PCLO: variants seen among roughly 807,000 people sequenced by gnomAD.
PCLO encodes the protein piccolo presynaptic cytomatrix protein.
A neutral mutation model predicts 427.5 loss-of-function variants in PCLO; 82 were observed. That is an observed-to-expected ratio of 0.19 (90% CI 0.16 to 0.23). The LOEUF is 0.23. PCLO is among the 10% of genes least tolerant of loss of function. PCLO has a pLI of 1.00. For synonymous variants in PCLO, 2,357 were observed against 2,155.4 expected (o/e 1.09, Z -2.59); for missense variants, 6,239 against 6,115.9 (o/e 1.02, Z -0.67).
At chr7:83,001,446 C>T (rs1219125343) in intron 3 of PCLO, among the ~76,000 whole-genome samples, 5 of 151,194 alleles carry the variant, frequency 3.3e-5, no homozygotes, top group Non-Finnish European at 7.4e-5. Context: ...GCAGGTATGT[C>T]TAATGAAAAA....
At chr7:82,859,448 C>G (rs546779209) in intron 10 of PCLO, among the ~76,000 whole-genome samples, 1 of 152,292 alleles carries the variant, frequency 6.6e-6, no homozygotes, top group African/African-American at 2.4e-5. Flanking sequence ...GAGAAGAGAA[C>G]AAGAGTCTCT....
chr7:83,112,749 G>C (rs1326963583), intron 3 of PCLO, among the ~76,000 whole-genome samples: 1 of 152,104 alleles, frequency 6.6e-6, no homozygotes, highest in Non-Finnish European at 1.5e-5. Context: ...AATATGCCAT[G>C]AGAGGAAAAG....
In PCLO at chr7:82,955,118, A is replaced by C; in HGVS notation, c.5835T>G (p.Pro1945=). 1.2e-6 allele frequency: 2 copies of C among 1,613,768 alleles called. No individual in the cohort carries two copies. The highest frequency in any genetic ancestry group is 2.7e-5 in the African/African-American group (2 of 75,012). The part of the protein sequence containing the change: ...NERDEVFEKE[P]LYGGMLIEDY... ...CCTCTATTAGCATCCCACCATACAA[A>C]GGCTCTTTTTCAAACACTTCATCTC... The change falls in exon 5 of 25, where the codon CCT becomes CCG. Residue 1945 remains proline, a synonymous_variant. Transcript: ENST00000333891.
At chr7:83,051,736 G>A (rs1789259322) in intron 3 of PCLO, among the ~76,000 whole-genome samples, 1 of 152,054 alleles carries the variant, frequency 6.6e-6, no homozygotes, top group African/African-American at 2.4e-5. Flanking sequence ...AAATGACCCA[G>A]AATAGCCATC....
intron 3 of PCLO, among the ~76,000 whole-genome samples, chr7:83,132,892 G>C (rs1035824098): frequency 6.6e-6 from 1 of 151,768 alleles, no homozygotes; most frequent in African/African-American, 2.4e-5. Context: ...TCTTCTAAAA[G>C]TGTTTTTTTT....
intron 9 of PCLO, among the ~76,000 whole-genome samples, chr7:82,897,163 T>C (rs1793924401): frequency 6.6e-6 from 1 of 151,806 alleles, no homozygotes; most frequent in Admixed American, 6.6e-5. Flanking sequence ...ATGAGATACA[T>C]GGAGTTCATT....
intron 4 of PCLO, among the ~76,000 whole-genome samples, chr7:82,963,242 T>C (rs1795692218): frequency 6.6e-6 from 1 of 152,080 alleles, no homozygotes. Flanking sequence ...TGTCTGCTTA[T>C]TTAACAAACT....
rs757951638 is a variant in PCLO, at chr7:82,879,407, T to C, written c.13584A>G (p.Gly4528=). The change falls in exon 10 of 25, where the codon GGA becomes GGG. Residue 4528 remains glycine (G), a synonymous_variant. Transcript: ENST00000333891. ...VGGKEIPGHS[G]EIGAYIAKIL... ...TCTTGGCAATATAGGCTCCAATTTC[T>C]CCACTATGTCCCGGGATTTCTTTAC... 3.1e-6 allele frequency: 5 copies of C among 1,610,044 alleles called. No homozygotes were observed. The highest frequency in any genetic ancestry group is 3.3e-5 in the Admixed American group (2 of 59,842).
In PCLO at chr7:83,134,647, G is replaced by T. The variant is rs1272412876; in HGVS notation, c.2903C>A (p.Pro968His). 1.2e-6 allele frequency: 2 copies of T among 1,613,754 alleles called. No individual in the cohort carries two copies. The highest frequency in any genetic ancestry group is 3.3e-5 in the Admixed American group (2 of 59,982). The change falls in exon 3 of 25, where the codon CCT (proline) becomes CAT (histidine). Residue 968 changes from proline (P) to histidine (H), a missense_variant. By Grantham distance (77) the Pro-to-His change is moderately conservative. Around this residue, in one of 5 missense-constraint regions of PCLO, gnomAD observed 4,677 missense variants for 4,468.4 expected, o/e 1.05. Coordinates refer to ENST00000333891, the MANE Select transcript of PCLO (RefSeq NM_033026.6). ...SGPGAPMKQA[P>H]APSQPPTSQG... Reference sequence around the variant, plus strand: ...TGAAGTAGGTGGCTGTGAAGGGGCAGGGGCTTGTTTCATTGGGGCCCCTGG... The same window carrying T: ...TGAAGTAGGTGGCTGTGAAGGGGCATGGGCTTGTTTCATTGGGGCCCCTGG...
chr7:82,790,916 T>G (rs951431051), intron 22 of PCLO, among the ~76,000 whole-genome samples: 1 of 152,308 alleles, frequency 6.6e-6, no homozygotes, highest in East Asian at 1.9e-4. Flanking sequence ...AATCTAATGT[T>G]TTAACACACT....
chr7:83,016,800 T>C (rs1002271810), intron 3 of PCLO, among the ~76,000 whole-genome samples: 1 of 152,106 alleles, frequency 6.6e-6, no homozygotes, highest in African/African-American at 2.4e-5. Context: ...TGGGTTTAGC[T>C]GAAAAGTATG....
At chr7:82,847,528 TA>T (rs1368083059) in intron 10 of PCLO, among the ~76,000 whole-genome samples, 5 of 152,246 alleles carry the variant, frequency 3.3e-5, no homozygotes, top group African/African-American at 9.6e-5. Context: ...CACACTGCCA[TA>T]AAAAACATTA....
chr7:82,879,822 AC>A (rs67103890), intron 9 of PCLO: 11,971 of 454,000 alleles, frequency 0.026, 1,133 homozygotes, highest in African/African-American at 0.21. Flanking sequence ...GGAACATTTT[AC>A]TTATAGAAGA....
chr7:82,954,082 T>C lies in PCLO; in HGVS notation c.6871A>G (p.Thr2291Ala), dbSNP rs759774375. ...TCCTTTTCAGATATAAGTAAGTCAG[T>C]AGAAACAGTGTCAGCAACTGGCCCT... The part of the protein sequence containing the change: ...PEGPVADTVS[T>A]DLLISEKDPV... The change falls in exon 5 of 25, where the codon ACT becomes GCT. Residue 2291 changes from threonine (T) to alanine (A), a missense_variant. By Grantham distance (58) the Thr-to-Ala change is moderately conservative. Transcript: ENST00000333891. 9 of 1,613,720 alleles carry C rather than the reference T, an allele frequency of 5.6e-6. No individual in the cohort carries two copies. Among genetic ancestry groups the C allele is most frequent in the South Asian group, 3.3e-5 (3 of 91,062 alleles).
intron 3 of PCLO, among the ~76,000 whole-genome samples, chr7:82,988,647 T>C (rs183862518): frequency 1.3e-5 from 2 of 152,160 alleles, no homozygotes; most frequent in Admixed American, 6.5e-5. Flanking sequence ...CATGAAAATA[T>C]TTAACCATTC....
In PCLO at chr7:83,078,533, C is replaced by CTATTAT. The variant is rs958752701; in HGVS notation, c.3300+55711_3300+55716dup. 6.0e-5 allele frequency among the ~76,000 whole-genome samples: 5 copies of CTATTAT among 83,940 alleles called. No individual in the cohort carries two copies. The East Asian group carries it at 3.4e-3, about 56-fold the overall frequency. 55.1% of individuals were successfully genotyped at this position (83,940 alleles called of 152,430 possible). A position where few individuals can be genotyped will look rare whatever the true frequency, so the allele number is the denominator to read the frequency against. On this transcript the variant is annotated intron_variant, in intron 3 of 24. Coordinates refer to ENST00000333891, the MANE Select transcript of PCLO (RefSeq NM_033026.6). ...TATGTTGCTAGCATTATTATTATTA[C>CTATTAT]TATTATTATTATTATTGAGACGGAG...
At chr7:82,832,397 A>C in intron 16 of PCLO, among the ~76,000 whole-genome samples, 1 of 151,324 alleles carries the variant, frequency 6.6e-6, no homozygotes, top group East Asian at 1.9e-4. Flanking sequence ...GACTACAGAC[A>C]CCCACCACCA....
chr7:82,942,309 G>A (rs1795104901), intron 6 of PCLO, among the ~76,000 whole-genome samples: 1 of 152,148 alleles, frequency 6.6e-6, no homozygotes, highest in Non-Finnish European at 1.5e-5. Flanking sequence ...CGTCTCCCAT[G>A]TTAAACTGGC....
intron 3 of PCLO, among the ~76,000 whole-genome samples, chr7:83,031,147 A>T (rs1469297003): frequency 6.6e-6 from 1 of 152,182 alleles, no homozygotes; most frequent in Non-Finnish European, 1.5e-5. Flanking sequence ...CTAACAGCAG[A>T]TCTATTGTGA....
Sources: allele counts gnomAD v4.1 joint callset (sites outside exome capture counted in the v4.1 genomes callset), GRCh38; gene constraint gnomAD v4.1.1; regional missense constraint gnomAD v4.1.1; transcripts MANE v1.5; gene names NCBI Gene and HGNC (gene_info 2026-07-23, HGNC 2026-07-21).